The following BCAR1 variants were observed in gnomAD, a reference collection of about 807,000 sequenced individuals.
The protein encoded by BCAR1 is breast cancer anti-estrogen resistance protein 1.
BCAR1 carries 30 observed loss-of-function variants against 67.6 expected under a neutral mutation model. The observed-to-expected ratio is 0.44, with a 90% CI of 0.33 to 0.60. The LOEUF (loss-of-function observed/expected upper bound fraction) is 0.60. Ranked by LOEUF, BCAR1 falls within the 20% of genes least tolerant of loss-of-function variation. The pLI is 0.02. For missense variants in BCAR1, 1,313 were observed against 1,222.3 expected, an observed-to-expected ratio of 1.07 and a Z score of -1.11; for synonymous variants, 626 against 556.7, an observed-to-expected ratio of 1.12 and a Z score of -1.75.
At chr16:75,241,236 C>T (rs1416598449) in intron 2 of BCAR1, among the ~76,000 whole-genome samples, 1 of 152,048 alleles carries the variant, frequency 6.6e-6, no homozygotes, top group East Asian at 1.9e-4. Context: ...CATGTGTGGG[C>T]GTATACGTGT....
Position 75,229,608 on chromosome 16 carries a change from G to C in BCAR1, c.2516C>G (p.Ser839Trp). ...TTKAAALQYP[S>W]PSAAQDMVER... ...CACCATGTCCTGGGCCGCGGAAGGC[G>C]ATGGGTACTGCAAGGCAGCGGCCTT... The change falls in exon 7 of 7, where the codon TCG becomes TGG. Residue 839 changes from serine to tryptophan, a missense_variant. Coordinates refer to ENST00000162330, the MANE Select transcript of BCAR1 (RefSeq NM_014567.5). 1.2e-6 allele frequency: 2 copies of C among 1,612,160 alleles called. No individual in the cohort carries two copies. Among genetic ancestry groups the C allele is most frequent in the Non-Finnish European group, 1.7e-6 (2 of 1,179,754 alleles).
At chr16:75,243,763 T>G (rs974251963) in intron 1 of BCAR1, among the ~76,000 whole-genome samples, 1 of 152,172 alleles carries the variant, frequency 6.6e-6, no homozygotes, top group Non-Finnish European at 1.5e-5. Context: ...TGGAGGAGGC[T>G]GTGGGATCAG....
At chr16:75,259,605 C>T (rs2077853137) in intron 1 of BCAR1, among the ~76,000 whole-genome samples, 2 of 152,114 alleles carry the variant, frequency 1.3e-5, no homozygotes, top group South Asian at 4.1e-4. Flanking sequence ...GTAATCCTAG[C>T]CCTTTGGGAG....
intron 1 of BCAR1, among the ~76,000 whole-genome samples, chr16:75,250,288 C>T (rs1013082518): frequency 2.6e-5 from 4 of 152,102 alleles, no homozygotes; most frequent in Admixed American, 2.0e-4. Context: ...CACAGCCCCG[C>T]CACCCCCGTA....
chr16:75,233,727 C>G (rs1432206886), intron 6 of BCAR1, 119 bp downstream of exon 6: 2 of 1,051,108 alleles, frequency 1.9e-6, no homozygotes, highest in Non-Finnish European at 1.4e-6. Flanking sequence ...GGGCCCAGCT[C>G]TGAGCACTGT....
intron 1 of BCAR1, chr16:75,266,823 C>CA: frequency 7.6e-7 from 1 of 1,319,550 alleles, no homozygotes; most frequent in Non-Finnish European, 9.8e-7. Context: ...TCCCGGAGGT[C>CA]AGCGCTGCCC....
chr16:75,243,154 GCTCC>G, intron 1 of BCAR1, 64 bp from the exon 2 acceptor site: 2 of 1,492,994 alleles, frequency 1.3e-6, no homozygotes, highest in Non-Finnish European at 1.8e-6. Flanking sequence ...GGGCTCCCCA[GCTCC>G]TGCCCTGCTC....
chr16:75,242,474 G>A lies in BCAR1; in HGVS notation c.629C>T (p.Ala210Val). 6 of 1,453,986 alleles carry A rather than the reference G, an allele frequency of 4.1e-6. No individual in the cohort carries two copies. The highest frequency in any genetic ancestry group is 5.4e-6 in the Non-Finnish European group (6 of 1,103,804). The allele number at this position is 1,453,986 out of a possible 1,614,324, so 90.1% of individuals were successfully genotyped here. Residue 210 changes from alanine to valine, a missense_variant, in exon 2 of 7, where the codon GCA (alanine) becomes GTA (valine). Physicochemically the swap from Ala to Val is moderately conservative, Grantham distance 64. Transcript: ENST00000162330. ...TRSWEGTKPP[A>V]KVVVPTRVGQ... ...ACTGTGCCAGGACAGCCTTACCTTT[G>A]CCGGGGGCTTCGTGCCCTCCCAGCT...
intron 1 of BCAR1, chr16:75,250,783 C>T (rs2077656856): frequency 2.0e-6 from 2 of 985,548 alleles, no homozygotes; most frequent in Non-Finnish European, 2.4e-6. Context: ...CTGCAGAACC[C>T]GGCCCTGGCC....
chr16:75,265,703 G>A, intron 1 of BCAR1: 2 of 1,120,420 alleles, frequency 1.8e-6, no homozygotes, highest in Non-Finnish European at 2.2e-6. Flanking sequence ...GGGCCGAGGA[G>A]GCCCCAGTGA....
chr16:75,247,722 C>G (rs2077561852), intron 1 of BCAR1: 3 of 315,814 alleles, frequency 9.5e-6, no homozygotes, highest in Non-Finnish European at 1.8e-5. Flanking sequence ...CCCAAACCAA[C>G]TGCAGAGAAC....
chr16:75,265,125 C>G (rs1488096133), intron 1 of BCAR1: 1 of 152,386 alleles, frequency 6.6e-6, no homozygotes, highest in Non-Finnish European at 1.5e-5. Flanking sequence ...GAGGGGGTGT[C>G]GGACAGAAAA....
chr16:75,243,399 C>A, intron 1 of BCAR1: 1 of 610,640 alleles, frequency 1.6e-6, no homozygotes, highest in Non-Finnish European at 3.1e-6. Flanking sequence ...CCCAAGGCCA[C>A]TCTGCTACCT....
At chr16:75,251,887 G>A (rs778593669), upstream of BCAR1, 2 of 297,110 alleles carry the variant, frequency 6.7e-6, no homozygotes, top group Non-Finnish European at 1.2e-5. Context: ...GCACGTCCCC[G>A]CCTTCCACCC....
At chr16:75,241,374 C>T (rs1437673480) in intron 2 of BCAR1, among the ~76,000 whole-genome samples, 2 of 152,096 alleles carry the variant, frequency 1.3e-5, no homozygotes, top group Admixed American at 6.5e-5. Flanking sequence ...GCATCATGCA[C>T]GTGTGTTCAT....
intron 1 of BCAR1, chr16:75,250,627 C>T (rs1312275943): frequency 1.0e-6 from 1 of 985,352 alleles, no homozygotes; most frequent in African/African-American, 1.7e-5. Flanking sequence ...AGCCCCTCAC[C>T]CCGCACCCCT....
chr16:75,250,099 G>A (rs1284678296), intron 1 of BCAR1: 1 of 152,708 alleles, frequency 6.5e-6, no homozygotes, highest in African/African-American at 2.4e-5. Flanking sequence ...AGTACACAGT[G>A]CTCACCCTCC....
Position 75,235,167 on chromosome 16 carries a change from G to A in BCAR1, c.1732C>T (p.Arg578Trp), listed in dbSNP as rs748875180. ...GSGATLEDLDRLVACSRAVPE... is the reference protein window; with the variant it reads ...GSGATLEDLDWLVACSRAVPE... ...ACAGCCCGCGAGCAGGCCACCAGCC[G>A]GTCCAGGTCCTCAAGGGTGGCTCCA... The change falls in exon 5 of 7, where the codon CGG (arginine) becomes TGG (tryptophan). Residue 578 changes from arginine (R) to tryptophan (W), a missense_variant. Arg to Trp is a moderately radical substitution (Grantham distance 101). Coordinates refer to ENST00000162330, the MANE Select transcript of BCAR1 (RefSeq NM_014567.5). 2.5e-5 allele frequency: 40 copies of A among 1,608,640 alleles called. No individual in the cohort carries two copies. The highest frequency in any genetic ancestry group is 3.2e-5 in the Non-Finnish European group (38 of 1,179,840).
upstream of BCAR1, among the ~76,000 whole-genome samples, chr16:75,254,286 C>G (rs9923967): frequency 0.57 from 86,557 of 151,980 alleles, 25,462 homozygotes; most frequent in East Asian, 0.88. Context: ...GAAAGCCAAA[C>G]ACCCCTGTCA....
Sources: gnomAD v4.1 joint callset for allele counts (sites outside exome capture counted in the v4.1 genomes callset) on GRCh38, gnomAD v4.1.1 for gene constraint, MANE v1.5 for transcripts, NCBI Gene and HGNC (gene_info 2026-07-23, HGNC 2026-07-21) for gene names.